NTM: variants seen among roughly 807,000 people sequenced by gnomAD.
NTM encodes the protein IgLON family member 2.
In NTM, 13 loss-of-function variants were observed where a neutral mutation model predicts 42.1. The ratio of observed to expected loss-of-function variants is 0.31; its 90% CI spans 0.20 to 0.49. The LOEUF (loss-of-function observed/expected upper bound fraction) is 0.49. Among genes scored for constraint, NTM ranks in the 20% least tolerant of loss-of-function variants. The pLI is 0.99. For missense variants in NTM, 373 were observed against 452.8 expected, an observed-to-expected ratio of 0.82 and a Z score of 1.60; for synonymous variants, 187 against 179.2, an observed-to-expected ratio of 1.04 and a Z score of -0.35.
At chr11:131,449,746 C>T (rs1950341706) in intron 1 of NTM, among the ~76,000 whole-genome samples, 1 of 152,300 alleles carries the variant, frequency 6.6e-6, no homozygotes, top group African/African-American at 2.4e-5. Flanking sequence ...CTGATCCTGT[C>T]CTCCCCATGC....
In NTM at chr11:132,043,958, ATG is replaced by A. The variant is rs71067353; in HGVS notation, c.168-102290_168-102289del. 1.9e-3 allele frequency among the ~76,000 whole-genome samples: 282 copies of A among 146,364 alleles called. 2 individuals are homozygous for A. Among genetic ancestry groups the A allele is most frequent in the South Asian group, 3.3e-3 (15 of 4,540 alleles). On this transcript the variant is annotated intron_variant, in intron 2 of 8. Transcript: ENST00000683400. Reference sequence around the variant, plus strand: ...CATTTTAAGAAGACAGACACCAACTATGTGTGTGTGTGTGTGTGTGTGTGTGT... The same window carrying A: ...CATTTTAAGAAGACAGACACCAACTATGTGTGTGTGTGTGTGTGTGTGTGT...
chr11:132,177,137 A>T (rs759894152), intron 3 of NTM, among the ~76,000 whole-genome samples: 13 of 152,204 alleles, frequency 8.5e-5, no homozygotes, highest in Non-Finnish European at 1.3e-4. Flanking sequence ...AAGCTCAGCA[A>T]AGTGAAGGTG....
chr11:132,092,152 TTC>T (rs2136421354), intron 2 of NTM, among the ~76,000 whole-genome samples: 1 of 152,350 alleles, frequency 6.6e-6, no homozygotes, highest in Admixed American at 6.5e-5. Context: ...GTCTCTCACT[TTC>T]TATTTCCCTT....
intron 1 of NTM, among the ~76,000 whole-genome samples, chr11:131,733,463 T>TTTCCTTCCTTCCTTCCTTCCTTCCTTCC (rs555056062): frequency 8.9e-6 from 1 of 112,614 alleles, no homozygotes; most frequent in Non-Finnish European, 1.8e-5. Context: ...TCCTTCCTTC[T>TTTCCTTCCTTCCTTCCTTCCTTCCTTCC]TTCCTTCCTT....
intron 1 of NTM, among the ~76,000 whole-genome samples, chr11:131,841,706 A>G (rs1204771313): frequency 6.6e-6 from 1 of 152,204 alleles, no homozygotes; most frequent in African/African-American, 2.4e-5. Context: ...TTGAGGGGTC[A>G]GTCCTGAAGG....
intron 1 of NTM, among the ~76,000 whole-genome samples, chr11:131,562,420 T>C (rs1352058492): frequency 1.3e-5 from 2 of 151,982 alleles, no homozygotes; most frequent in African/African-American, 4.8e-5. Flanking sequence ...GACGGGAAGG[T>C]GGGGAGAGGG....
At chr11:132,126,515 G>C (rs934566621) in intron 2 of NTM, among the ~76,000 whole-genome samples, 1 of 152,164 alleles carries the variant, frequency 6.6e-6, no homozygotes, top group Non-Finnish European at 1.5e-5. Context: ...CAGTGTGCGG[G>C]GACTTCGCAG....
chr11:131,489,904 G>GA (rs1472352686), intron 1 of NTM, among the ~76,000 whole-genome samples: 2 of 152,142 alleles, frequency 1.3e-5, no homozygotes, highest in African/African-American at 4.8e-5. Flanking sequence ...AATTTACAGA[G>GA]AAAAAAGGCT....
intron 1 of NTM, among the ~76,000 whole-genome samples, chr11:131,698,748 G>A (rs1174585968): frequency 6.6e-6 from 1 of 152,232 alleles, no homozygotes; most frequent in Non-Finnish European, 1.5e-5. Context: ...CCCAGTGCCA[G>A]GCTTCCTTGT....
chr11:131,731,535 AT>A (rs1345637097), intron 1 of NTM, among the ~76,000 whole-genome samples: 1 of 152,198 alleles, frequency 6.6e-6, no homozygotes, highest in African/African-American at 2.4e-5. Flanking sequence ...ACTGACACTC[AT>A]CCAGGTCCAT....
At chr11:131,641,291 T>C (rs1447586838) in intron 1 of NTM, among the ~76,000 whole-genome samples, 3 of 152,226 alleles carry the variant, frequency 2.0e-5, no homozygotes, top group African/African-American at 7.2e-5. Context: ...AAGCCACTAA[T>C]GTTGCTCAGC....
intron 1 of NTM, among the ~76,000 whole-genome samples, chr11:131,601,956 C>A (rs1445362510): frequency 6.6e-6 from 1 of 152,042 alleles, no homozygotes; most frequent in East Asian, 1.9e-4. Context: ...AAACAGGGTG[C>A]CATATGGTTC....
At chr11:131,970,756 A>C (rs1033215985) in intron 2 of NTM, among the ~76,000 whole-genome samples, 9 of 152,192 alleles carry the variant, frequency 5.9e-5, no homozygotes, top group African/African-American at 1.7e-4. Context: ...GGGTTGAGTT[A>C]ATCACATTCC....
At chr11:132,151,629 T>C (rs1267914461) in intron 3 of NTM, among the ~76,000 whole-genome samples, 2 of 152,212 alleles carry the variant, frequency 1.3e-5, no homozygotes, top group East Asian at 3.9e-4. Flanking sequence ...CCCTCCCTTT[T>C]GTTTGGTAAA....
At chr11:131,902,412 G>A (rs2053307496) in intron 1 of NTM, among the ~76,000 whole-genome samples, 1 of 152,228 alleles carries the variant, frequency 6.6e-6, no homozygotes, top group African/African-American at 2.4e-5. Context: ...CCTGTCCCGG[G>A]GCCTGCAAAG....
intron 1 of NTM, among the ~76,000 whole-genome samples, chr11:131,560,304 A>G (rs1320349084): frequency 6.6e-6 from 1 of 152,232 alleles, no homozygotes; most frequent in Non-Finnish European, 1.5e-5. Flanking sequence ...TTGCAGAGAT[A>G]GCTACCTGAA....
At chr11:131,612,787 C>T (rs1402856005) in intron 1 of NTM, among the ~76,000 whole-genome samples, 1 of 152,180 alleles carries the variant, frequency 6.6e-6, no homozygotes, top group Non-Finnish European at 1.5e-5. Context: ...GCTGCAGGGC[C>T]CCACTAAGAG....
At chr11:131,448,334 C>G (rs1015797327) in intron 1 of NTM, among the ~76,000 whole-genome samples, 2 of 152,204 alleles carry the variant, frequency 1.3e-5, no homozygotes, top group Non-Finnish European at 2.9e-5. Flanking sequence ...TTTTCTGCCC[C>G]CATGGACTCA....
rs1243227783 is a variant in NTM, at chr11:131,420,880, G to A, written c.82+49992G>A. On this transcript the variant is annotated intron_variant, in intron 1 of 8. Transcript: ENST00000683400. ...ACCAGCATTTGTTGGCAAATGCCTGGTCTGGTTCTCCTCCATGATGTAATG... is the reference window on the plus strand; with the variant it reads ...ACCAGCATTTGTTGGCAAATGCCTGATCTGGTTCTCCTCCATGATGTAATG... Among the ~76,000 whole-genome samples the A allele has an allele frequency of 3.3e-5, 5 of 152,286 alleles. No individual in the cohort carries two copies. In the East Asian group the frequency reaches 7.7e-4, roughly 24 times the overall value.
Sources: gnomAD v4.1 joint callset for allele counts (sites outside exome capture counted in the v4.1 genomes callset) on GRCh38, gnomAD v4.1.1 for gene constraint, MANE v1.5 for transcripts, NCBI Gene and HGNC (gene_info 2026-07-23, HGNC 2026-07-21) for gene names.